Variants in HMCN1 observed in about 807,000 individuals in gnomAD.
HMCN1 encodes hemicentin 1.
Under a neutral mutation model 625.9 loss-of-function variants are expected in HMCN1, and 321 were observed. The ratio of observed to expected loss-of-function variants is 0.51; its 90% CI spans 0.47 to 0.56. The LOEUF is 0.56. HMCN1 is among the 20% of genes least tolerant of loss of function. HMCN1 has a pLI of 0.00. For synonymous variants in HMCN1, 2,425 were observed against 2,417.6 expected, an observed-to-expected ratio of 1.00 and a Z score of -0.09; for missense variants, 6,588 against 6,887.3, an observed-to-expected ratio of 0.96 and a Z score of 1.54.
rs574025513 is a variant in HMCN1 at position 186,013,714 on chromosome 1, A to C, written c.4631-1445A>C. On this transcript the variant is annotated intron_variant, in intron 30 of 106. Transcript: ENST00000271588. ...ATAAAACAAAACAAAATAAAATAATAAAATAAAATAGTGAGGGTATATTGA... is the reference window on the plus strand; with the variant it reads ...ATAAAACAAAACAAAATAAAATAATCAAATAAAATAGTGAGGGTATATTGA... Among the ~76,000 whole-genome samples, 24 of 152,252 alleles carry C rather than the reference A, an allele frequency of 1.6e-4. 1 individual carries two copies. The South Asian group carries it at 3.1e-3, about 20-fold the overall frequency.
At chr1:185,839,311 TA>T (rs1558007218) in intron 1 of HMCN1, among the ~76,000 whole-genome samples, 1 of 152,198 alleles carries the variant, frequency 6.6e-6, no homozygotes, top group African/African-American at 2.4e-5. Flanking sequence ...TCCTAAAATT[TA>T]AAACACATAT....
At chr1:185,834,395 G>A (rs965734858) in intron 1 of HMCN1, among the ~76,000 whole-genome samples, 1 of 152,132 alleles carries the variant, frequency 6.6e-6, no homozygotes, top group Non-Finnish European at 1.5e-5. Flanking sequence ...CCACTTCCAA[G>A]CTACTCACAT....
At chr1:186,103,091 T>A (rs1660456312) in intron 68 of HMCN1, among the ~76,000 whole-genome samples, 1 of 152,158 alleles carries the variant, frequency 6.6e-6, no homozygotes, top group South Asian at 2.1e-4. Flanking sequence ...TAGAAACTAT[T>A]GGTATTTAAA....
Position 186,061,925 on chromosome 1 carries a change from G to C in HMCN1, c.7387G>C (p.Ala2463Pro). The C allele has an allele frequency of 6.2e-7, 1 of 1,612,740 alleles. No individual in the cohort carries two copies. The highest frequency in any genetic ancestry group is 8.5e-7 in the Non-Finnish European group (1 of 1,178,940). ...ATATACTTGCGTTGTAAGGAATGCA[G>C]CTGGTGAAGAAAGAAAAATCTTTGG... ...GQYTCVVRNA[A>P]GEERKIFGLS... Residue 2463 changes from alanine to proline, a missense_variant, in exon 47 of 107, where the codon GCT (alanine) becomes CCT (proline). Transcript: ENST00000271588.
intron 82 of HMCN1, among the ~76,000 whole-genome samples, chr1:186,127,388 A>G (rs1428678114): frequency 1.3e-5 from 2 of 152,114 alleles, no homozygotes; most frequent in African/African-American, 4.8e-5. Context: ...AATTGAGTAC[A>G]GATATAGAAG....
chr1:186,095,341 C>T lies in HMCN1; in HGVS notation c.10393C>T (p.Pro3465Ser). 5 of 1,613,708 alleles carry T rather than the reference C, an allele frequency of 3.1e-6. No homozygotes were observed. The highest frequency in any genetic ancestry group is 4.2e-6 in the Non-Finnish European group (5 of 1,179,842). ...ATGCATTACTGATGGAACCCCAGCTCCCAGTATGGCCTGGCTTAGAGATGG... is the reference window on the plus strand; with the variant it reads ...ATGCATTACTGATGGAACCCCAGCTTCCAGTATGGCCTGGCTTAGAGATGG... Reference protein sequence around the residue: ...MACITDGTPAPSMAWLRDGQP... With the variant: ...MACITDGTPASSMAWLRDGQP... Residue 3465 changes from proline to serine, a missense_variant, in exon 68 of 107, where the codon CCC becomes TCC. Pro to Ser is a moderately conservative substitution (Grantham distance 74). Coordinates refer to ENST00000271588, the MANE Select transcript of HMCN1 (RefSeq NM_031935.3).
At chr1:186,125,163 T>C (rs1386733931) in intron 81 of HMCN1, among the ~76,000 whole-genome samples, 1 of 152,140 alleles carries the variant, frequency 6.6e-6, no homozygotes, top group Non-Finnish European at 1.5e-5. Context: ...ATATTCAGTA[T>C]TGGGTGAGTG....
chr1:186,055,659 G>T lies in HMCN1; in HGVS notation c.7129G>T (p.Asp2377Tyr). The T allele has an allele frequency of 6.2e-7, 1 of 1,612,466 alleles. No homozygotes were observed. Among genetic ancestry groups the T allele is most frequent in the South Asian group, 1.1e-5 (1 of 91,004 alleles). The part of the protein sequence containing the change: ...NVAGMTDKKY[D>Y]LSVHAPPSII... ...AGCAGGAATGACTGACAAAAAATAT[G>T]ACTTAAGTGTCCATGGTAAGTAGAA... Residue 2377 changes from aspartate to tyrosine, a missense_variant, in exon 45 of 107, where the codon GAC becomes TAC. Physicochemically the swap from Asp to Tyr is radical, Grantham distance 160. Transcript: ENST00000271588.
chr1:186,090,655 A>G, intron 63 of HMCN1, 103 bp from the exon 64 acceptor site: 2 of 1,334,114 alleles, frequency 1.5e-6, no homozygotes, highest in South Asian at 1.2e-5. Flanking sequence ...ACCATAATCT[A>G]CAAAGAATAT....
chr1:186,111,142 G>A (rs374166164), intron 71 of HMCN1, among the ~76,000 whole-genome samples: 147 of 150,836 alleles, frequency 9.7e-4, no homozygotes, highest in African/African-American at 3.5e-3. Context: ...CACCAGGCCC[G>A]GCTACTTTTT....
chr1:186,144,270 A>C lies in HMCN1; in HGVS notation c.14022A>C (p.Pro4674=). Residue 4674 remains proline, a synonymous_variant, in exon 90 of 107, where the codon CCA becomes CCC. Coordinates refer to ENST00000271588, the MANE Select transcript of HMCN1 (RefSeq NM_031935.3). The part of the protein sequence containing the change: ...QTRARLCNNP[P]PAFGGSYCDG... ...GAGCAAGACTTTGTAATAACCCACC[A>C]CCAGCGTTTGGTGGGTCCTACTGTG... 6.2e-7 allele frequency: 1 copy of C among 1,614,098 alleles called. No homozygotes were observed. The highest frequency in any genetic ancestry group is 8.5e-7 in the Non-Finnish European group (1 of 1,180,000).
chr1:186,054,103 A>C, intron 44 of HMCN1, 117 bp downstream of exon 44: 2 of 988,766 alleles, frequency 2.0e-6, no homozygotes, highest in Non-Finnish European at 3.1e-6. Context: ...TGTAACTATC[A>C]TATGACACAC....
intron 77 of HMCN1, among the ~76,000 whole-genome samples, chr1:186,118,905 A>C (rs551540653): frequency 6.6e-6 from 1 of 152,320 alleles, no homozygotes; most frequent in African/African-American, 2.4e-5. Context: ...GGGTGATGGA[A>C]ATATTCTAAA....
At chr1:185,824,777 A>G (rs1365849596) in intron 1 of HMCN1, among the ~76,000 whole-genome samples, 2 of 152,328 alleles carry the variant, frequency 1.3e-5, no homozygotes, top group East Asian at 3.9e-4. Context: ...AGTAACTAGC[A>G]AAACCAGAAC....
chr1:185,896,424 C>T (rs1390456152), intron 4 of HMCN1, among the ~76,000 whole-genome samples: 1 of 148,072 alleles, frequency 6.8e-6, no homozygotes, highest in Non-Finnish European at 1.5e-5. Flanking sequence ...CTCACGTGTA[C>T]ACCCATATAC....
At chr1:185,981,135 G>A (rs1256260712) in intron 17 of HMCN1, 62 bp downstream of exon 17, 6 of 984,456 alleles carry the variant, frequency 6.1e-6, no homozygotes, top group Non-Finnish European at 9.9e-6. Context: ...CTTTTACTAT[G>A]TCATCTCTTG....
intron 18 of HMCN1, among the ~76,000 whole-genome samples, chr1:185,983,394 C>G (rs967242915): frequency 2.0e-5 from 3 of 151,604 alleles, no homozygotes; most frequent in Non-Finnish European, 4.4e-5. Context: ...CCACTGCACT[C>G]CAGCCTGGGT....
chr1:185,861,288 T>A (rs1167081362), intron 2 of HMCN1, among the ~76,000 whole-genome samples: 1 of 152,202 alleles, frequency 6.6e-6, no homozygotes, highest in Non-Finnish European at 1.5e-5. Flanking sequence ...TTCTTAGCTG[T>A]CCTCATGTTT....
intron 4 of HMCN1, among the ~76,000 whole-genome samples, chr1:185,868,672 C>T (rs925826116): frequency 6.6e-6 from 1 of 152,182 alleles, no homozygotes; most frequent in South Asian, 2.1e-4. Flanking sequence ...ACCCAGTCTT[C>T]GGCAATTCTT....
Sources: allele counts gnomAD v4.1 joint callset (sites outside exome capture counted in the v4.1 genomes callset), GRCh38; gene constraint gnomAD v4.1.1; transcripts MANE v1.5; gene names NCBI Gene and HGNC (gene_info 2026-07-23, HGNC 2026-07-21).